Variants in APLP2 observed in about 807,000 individuals in gnomAD.
APLP2 encodes the protein amyloid beta precursor like protein 2.
In APLP2, 53 loss-of-function variants were observed where a neutral mutation model predicts 89.9. That is an observed-to-expected ratio of 0.59 (90% CI 0.47 to 0.74). The LOEUF (loss-of-function observed/expected upper bound fraction) is 0.74, where lower values mean the gene tolerates loss of function less well. Among genes scored for constraint, APLP2 ranks in the 30% least tolerant of loss-of-function variants. The pLI is 0.00. For synonymous variants in APLP2, 372 were observed against 348.6 expected, an observed-to-expected ratio of 1.07 and a Z score of -0.75; for missense variants, 973 against 975.9, an observed-to-expected ratio of 1.00 and a Z score of 0.04.
At chr11:130,138,973 G>C (rs776537488) in intron 13 of APLP2, 4 of 152,016 alleles carry the variant, frequency 2.6e-5, no homozygotes, top group South Asian at 2.1e-4. Context: ...TTAAAATTCT[G>C]GGAGAGAGAA....
chr11:130,072,557 A>G (rs1453138016), intron 1 of APLP2, among the ~76,000 whole-genome samples: 11 of 149,670 alleles, frequency 7.3e-5, no homozygotes, highest in African/African-American at 2.5e-4. Context: ...GCTCACTGCA[A>G]CTTCCGCCTT....
chr11:130,105,751 T>C (rs1947641754), intron 1 of APLP2, among the ~76,000 whole-genome samples: 1 of 146,072 alleles, frequency 6.8e-6, no homozygotes, highest in African/African-American at 2.6e-5. Context: ...TTGCCCAGGC[T>C]GGAGTGCAAT....
chr11:130,120,943 C>T (rs1949740001), intron 4 of APLP2, 125 bp downstream of exon 4: 1 of 704,222 alleles, frequency 1.4e-6, no homozygotes, highest in Non-Finnish European at 2.6e-6. Context: ...TTAAGGTTTA[C>T]AATTACTTCT....
At chr11:130,099,326 GTGTC>G (rs1271508503) in intron 1 of APLP2, among the ~76,000 whole-genome samples, 1 of 152,122 alleles carries the variant, frequency 6.6e-6, no homozygotes, top group Non-Finnish European at 1.5e-5. Context: ...AATATTGTAG[GTGTC>G]TCATTTAATA....
intron 1 of APLP2, among the ~76,000 whole-genome samples, chr11:130,090,166 A>G (rs1944695405): frequency 1.3e-5 from 2 of 151,008 alleles, no homozygotes; most frequent in South Asian, 4.2e-4. Context: ...TCCCATCTCT[A>G]GTTTTCCAGT....
rs1196416503 is a variant in APLP2 at position 130,103,972 on chromosome 11, G to A, written c.106-5457G>A. On this transcript the variant is annotated intron_variant, in intron 1 of 16. Transcript: ENST00000338167. ...GCACATTCCTTCCGACCTGTAGATTGGGCTTTTCATATACGTATTTATCAT... is the reference window on the plus strand; with the variant it reads ...GCACATTCCTTCCGACCTGTAGATTAGGCTTTTCATATACGTATTTATCAT... Among the ~76,000 whole-genome samples the A allele has an allele frequency of 3.3e-5, 5 of 152,110 alleles. No homozygotes were observed. In the East Asian group the frequency reaches 9.6e-4, roughly 29 times the overall value.
chr11:130,140,717 A>C (rs2136149370), intron 14 of APLP2: 1 of 323,422 alleles, frequency 3.1e-6, no homozygotes, highest in Admixed American at 4.7e-5. Flanking sequence ...GAGTAGGAAA[A>C]TATATTTACA....
At chr11:130,084,549 G>A (rs1943787662) in intron 1 of APLP2, among the ~76,000 whole-genome samples, 3 of 152,032 alleles carry the variant, frequency 2.0e-5, no homozygotes. Context: ...TTCATGGGTG[G>A]AAATTAAACA....
rs866881782 is a variant in APLP2 at position 130,137,357 on chromosome 11, C to T, written c.1837+1642C>T. The T allele has an allele frequency of 2.2e-5, 31 of 1,412,876 alleles. No homozygotes were observed. In the Middle Eastern group the frequency reaches 5.3e-4, roughly 24 times the overall value. The allele number at this position is 1,412,876 out of a possible 1,614,324, so 87.5% of individuals were successfully genotyped here. ...TCTCCACTCCCTAGTGTGTCCGAAGCTTCATGTTCTGTTTCATGCCATCAC... is the reference window on the plus strand; with the variant it reads ...TCTCCACTCCCTAGTGTGTCCGAAGTTTCATGTTCTGTTTCATGCCATCAC... On this transcript the variant is annotated intron_variant, in intron 13 of 16. Transcript: ENST00000338167.
At chr11:130,112,511 A>G (rs1948716068) in intron 3 of APLP2, among the ~76,000 whole-genome samples, 1 of 136,346 alleles carries the variant, frequency 7.3e-6, no homozygotes, top group South Asian at 2.2e-4. Context: ...GGGTCTAACT[A>G]CTTAACTTTT....
chr11:130,072,872 G>A (rs1189246559), intron 1 of APLP2, among the ~76,000 whole-genome samples: 1 of 152,186 alleles, frequency 6.6e-6, no homozygotes, highest in Non-Finnish European at 1.5e-5. Flanking sequence ...GAGGGAATTT[G>A]TTTTACCATC....
intron 3 of APLP2, among the ~76,000 whole-genome samples, chr11:130,117,354 C>G (rs1949307087): frequency 6.6e-6 from 1 of 152,154 alleles, no homozygotes; most frequent in Non-Finnish European, 1.5e-5. Flanking sequence ...ACCAAGCATC[C>G]TGAAGAGATG....
chr11:130,132,244 C>T (rs1951014056), intron 11 of APLP2, among the ~76,000 whole-genome samples: 1 of 152,186 alleles, frequency 6.6e-6, no homozygotes, highest in Admixed American at 6.5e-5. Context: ...AAGGCACTCA[C>T]TCTTGTGCTT....
At chr11:130,085,995 A>G (rs1591769741) in intron 1 of APLP2, among the ~76,000 whole-genome samples, 1 of 152,252 alleles carries the variant, frequency 6.6e-6, no homozygotes, top group African/African-American at 2.4e-5. Flanking sequence ...CAATGCTGCT[A>G]TGAAAATTGG....
chr11:130,110,387 C>A, intron 2 of APLP2, 151 bp from the exon 3 acceptor site: 1 of 893,764 alleles, frequency 1.1e-6, no homozygotes, highest in Non-Finnish European at 1.7e-6. Flanking sequence ...TGTTTGATGA[C>A]TTCAGTTAGA....
At chr11:130,070,144 G>A (rs1474998665) in intron 1 of APLP2, 62 bp downstream of exon 1, 3 of 1,173,162 alleles carry the variant, frequency 2.6e-6, no homozygotes, top group African/African-American at 3.3e-5. Context: ...CGCGGACTGC[G>A]GGCGGGCAGC....
chr11:130,132,604 C>CTTT (rs61481686), intron 11 of APLP2, among the ~76,000 whole-genome samples: 43 of 134,114 alleles, frequency 3.2e-4, no homozygotes, highest in African/African-American at 1.1e-3. Flanking sequence ...TTCTAATGGC[C>CTTT]TTTTTTTTTT....
chr11:130,090,244 TG>T (rs1313737754), intron 1 of APLP2, among the ~76,000 whole-genome samples: 37 of 145,638 alleles, frequency 2.5e-4, no homozygotes, highest in Non-Finnish European at 4.1e-4. Flanking sequence ...GTTCTAGCTC[TG>T]TCTTTTTTTT....
intron 3 of APLP2, among the ~76,000 whole-genome samples, chr11:130,112,020 C>T (rs1432468971): frequency 6.6e-6 from 1 of 152,184 alleles, no homozygotes; most frequent in Non-Finnish European, 1.5e-5. Flanking sequence ...ACCTGGGAGA[C>T]TCTTCGATTC....
Sources: allele counts gnomAD v4.1 joint callset (sites outside exome capture counted in the v4.1 genomes callset), GRCh38; gene constraint gnomAD v4.1.1; transcripts MANE v1.5; gene names NCBI Gene and HGNC (gene_info 2026-07-23, HGNC 2026-07-21).